The following METTL16 variants were observed in gnomAD, a reference collection of about 807,000 sequenced individuals.
METTL16 encodes the protein RNA N(6)-adenosine-methyltransferase METTL16.
In METTL16, 19 loss-of-function variants were observed where a neutral mutation model predicts 57.9. That is an observed-to-expected ratio of 0.33 (90% confidence interval 0.23 to 0.48). The LOEUF is 0.48. METTL16 is among the 20% of genes least tolerant of loss of function. METTL16 has a pLI of 0.99. For synonymous variants in METTL16, 246 were observed against 255.6 expected, an observed-to-expected ratio of 0.96 and a Z score of 0.36; for missense variants, 434 against 691.5, an observed-to-expected ratio of 0.63 and a Z score of 4.18.
chr17:2,465,546 C>CAAAAAAAAAAAAAAAAAA lies in METTL16; in HGVS notation c.586-1214_586-1197dup, dbSNP rs547864019. 8.2e-5 allele frequency among the ~76,000 whole-genome samples: 2 copies of CAAAAAAAAAAAAAAAAAA among 24,496 alleles called. 1 individual carries two copies. The highest frequency in any genetic ancestry group is 3.2e-4 in the African/African-American group (2 of 6,304). The allele number at this position is 24,496 out of a possible 152,430, so 16.1% of individuals were successfully genotyped here. ...TGGGCGACAGAGCAAGACTCCATCTCAAAAAAAAAAAAAAAAAAAAAAAAA... is the reference window on the plus strand; with the variant it reads ...TGGGCGACAGAGCAAGACTCCATCTCAAAAAAAAAAAAAAAAAAAAAAAAAAAAAAAAAAAAAAAAAAA... On this transcript the variant is annotated intron_variant, in intron 5 of 9. Transcript: ENST00000263092.
intron 6 of METTL16, among the ~76,000 whole-genome samples, chr17:2,444,228 T>TAA (rs1354984833): frequency 5.3e-5 from 8 of 152,200 alleles, no homozygotes; most frequent in Non-Finnish European, 1.2e-4. Flanking sequence ...AGGCGGCAGA[T>TAA]CACTTGAGGC....
At chr17:2,463,509 T>C (rs2067166029) in intron 6 of METTL16, among the ~76,000 whole-genome samples, 1 of 152,136 alleles carries the variant, frequency 6.6e-6, no homozygotes, top group Non-Finnish European at 1.5e-5. Flanking sequence ...TCACCCAGGC[T>C]GGAGCGCAGT....
At chr17:2,465,291 C>G (rs1344935485) in intron 5 of METTL16, among the ~76,000 whole-genome samples, 2 of 151,918 alleles carry the variant, frequency 1.3e-5, no homozygotes, top group African/African-American at 4.8e-5. Context: ...TGTCTGTCAT[C>G]CCAGCACTTT....
intron 6 of METTL16, 32 bp from the exon 7 acceptor site, chr17:2,441,591 G>A (rs780385825): frequency 1.5e-5 from 22 of 1,427,436 alleles, no homozygotes; most frequent in South Asian, 1.4e-4. Context: ...AAGTAAATAC[G>A]GTTTATGTGG....
chr17:2,415,775 C>A (rs1394637074), downstream of METTL16: 1 of 152,516 alleles, frequency 6.6e-6, no homozygotes, highest in African/African-American at 2.4e-5. Context: ...AGCCACCGCA[C>A]CCGGCCTTCT....
intron 6 of METTL16, among the ~76,000 whole-genome samples, chr17:2,456,255 A>G (rs1171371265): frequency 6.6e-6 from 1 of 152,102 alleles, no homozygotes; most frequent in African/African-American, 2.4e-5. Context: ...ATTCTTTGTA[A>G]TGATACCCTA....
At position 2,438,116 on chromosome 17, in the gene METTL16, G is replaced by T; in HGVS notation, c.881C>A (p.Thr294Lys). ...ALAWSFYDDV[T>K]VPSPPSKRRK... ...AGCAAGGTCTGTACTTACTGGTACT[G>T]TGACATCATCATAAAAACTCCAAGC... is the stretch of plus-strand genomic sequence containing the variant. Residue 294 changes from threonine (T) to lysine (K), a missense_variant, in exon 8 of 10, where the codon ACA (threonine) becomes AAA (lysine). By Grantham distance (78) the Thr-to-Lys change is moderately conservative. Transcript: ENST00000263092. 1 of 1,611,878 alleles carries T rather than the reference G, an allele frequency of 6.2e-7. No homozygotes were observed. Among genetic ancestry groups the T allele is most frequent in the South Asian group, 1.1e-5 (1 of 91,040 alleles).
chr17:2,448,789 T>TA (rs1288709390), intron 6 of METTL16, among the ~76,000 whole-genome samples: 4 of 47,730 alleles, frequency 8.4e-5, no homozygotes, highest in East Asian at 5.7e-4. Context: ...AATAAAAAAA[T>TA]AAAAATAAAA....
intron 6 of METTL16, among the ~76,000 whole-genome samples, chr17:2,459,073 T>C (rs1180740791): frequency 6.6e-6 from 1 of 152,118 alleles, no homozygotes; most frequent in African/African-American, 2.4e-5. Context: ...CCCAAAGTGT[T>C]GGGATTACAG....
At chr17:2,431,586 G>A (rs1426303184) in intron 8 of METTL16, among the ~76,000 whole-genome samples, 3 of 152,060 alleles carry the variant, frequency 2.0e-5, no homozygotes, top group African/African-American at 7.2e-5. Context: ...TTGACACCCA[G>A]CTGCATGAGA....
At chr17:2,427,410 CAG>C (rs1443310617) in intron 8 of METTL16, among the ~76,000 whole-genome samples, 1 of 152,150 alleles carries the variant, frequency 6.6e-6, no homozygotes, top group Non-Finnish European at 1.5e-5. Context: ...GCAGAAAATT[CAG>C]AGTGGAAACG....
chr17:2,486,384 G>C (rs1232816311), intron 2 of METTL16, among the ~76,000 whole-genome samples: 2 of 151,438 alleles, frequency 1.3e-5, no homozygotes, highest in African/African-American at 4.9e-5. Context: ...CAATTCTCCT[G>C]CCTCAGCCTC....
At chr17:2,501,379 T>C (rs2067485944) in intron 2 of METTL16, among the ~76,000 whole-genome samples, 1 of 152,284 alleles carries the variant, frequency 6.6e-6, no homozygotes, top group East Asian at 1.9e-4. Context: ...TCACAAGCTA[T>C]GACTGTGCCA....
chr17:2,479,144 C>A (rs532576916), intron 2 of METTL16, among the ~76,000 whole-genome samples: 1 of 151,836 alleles, frequency 6.6e-6, no homozygotes. Context: ...AGAGCAGGGT[C>A]TTTTTTGGTT....
At chr17:2,484,308 A>G (rs2067326414) in intron 2 of METTL16, among the ~76,000 whole-genome samples, 1 of 152,214 alleles carries the variant, frequency 6.6e-6, no homozygotes, top group South Asian at 2.1e-4. Flanking sequence ...GCCAGAATGT[A>G]AACAACACAT....
chr17:2,510,392 T>C (rs2151583690), intron 1 of METTL16, among the ~76,000 whole-genome samples: 1 of 152,348 alleles, frequency 6.6e-6, no homozygotes, highest in Non-Finnish European at 1.5e-5. Context: ...GACAGTGGCA[T>C]GTTAGGGCTC....
chr17:2,466,580 G>T (rs1014041078), intron 5 of METTL16, among the ~76,000 whole-genome samples: 3 of 152,116 alleles, frequency 2.0e-5, no homozygotes, highest in Admixed American at 6.6e-5. Context: ...GGACTCCTCG[G>T]TATCTGAGGA....
chr17:2,497,305 C>CTTTTTTTTTT (rs781130501), intron 2 of METTL16, among the ~76,000 whole-genome samples: 4 of 63,786 alleles, frequency 6.3e-5, no homozygotes, highest in Non-Finnish European at 8.0e-5. Context: ...TGCACCCGGC[C>CTTTTTTTTTT]TTTTTTTTTT....
At chr17:2,473,077 G>A (rs577528019) in intron 4 of METTL16, among the ~76,000 whole-genome samples, 1 of 152,106 alleles carries the variant, frequency 6.6e-6, no homozygotes, top group Non-Finnish European at 1.5e-5. Context: ...AATGGAGAAG[G>A]CTATGCGTGT....
Sources: gnomAD v4.1 joint callset for allele counts (sites outside exome capture counted in the v4.1 genomes callset) on GRCh38, gnomAD v4.1.1 for gene constraint, MANE v1.5 for transcripts, NCBI Gene and HGNC (gene_info 2026-07-23, HGNC 2026-07-21) for gene names.